Variants in RAB4A observed in about 807,000 individuals in gnomAD.
RAB4A encodes RAB4A, member RAS oncogene family.
Under a neutral mutation model 34.5 loss-of-function variants are expected in RAB4A, and 20 were observed. That is an observed-to-expected ratio of 0.58 (90% confidence interval 0.41 to 0.84). RAB4A has a LOEUF of 0.84. Ranked by LOEUF, RAB4A falls within the 40% of genes least tolerant of loss-of-function variation. RAB4A has a pLI of 0.00. For missense variants in RAB4A, 228 were observed against 274.5 expected (o/e 0.83, Z 1.20); for synonymous variants, 102 against 100.0 (o/e 1.02, Z -0.12).
At chr1:229,303,081 G>A (rs237787) in intron 7 of RAB4A, 92 bp downstream of exon 7, 586,455 of 924,314 alleles carry the variant, frequency 0.63, 188,282 homozygotes, top group African/African-American at 0.71. Flanking sequence ...TGAAAAAGAG[G>A]GGATCCCAGC....
At chr1:229,290,843 A>T (rs1657051694) in intron 3 of RAB4A, among the ~76,000 whole-genome samples, 1 of 152,244 alleles carries the variant, frequency 6.6e-6, no homozygotes, top group Non-Finnish European at 1.5e-5. Flanking sequence ...AATCCAGAAG[A>T]TGCAATGACT....
chr1:229,279,783 G>T (rs1359183185), intron 1 of RAB4A, among the ~76,000 whole-genome samples: 1 of 152,092 alleles, frequency 6.6e-6, no homozygotes. Context: ...TTGGGGTGTG[G>T]TCTTTCCCTT....
In RAB4A at chr1:229,297,592, G is replaced by C. The variant is rs370982346; in HGVS notation, c.401G>C (p.Arg134Pro). 3.1e-6 allele frequency: 5 copies of C among 1,611,364 alleles called. No homozygotes were observed. In the African/African-American group the frequency reaches 6.7e-5, roughly 22 times the overall value. ...CGNKKDLDAD[R>P]EVTFLEASRF... ...AACAAGAAGGACCTGGATGCAGATC[G>C]TGAAGTTACCTTCTTAGAAGCCTCC... The change falls in exon 5 of 8, where the codon CGT becomes CCT. Residue 134 changes from arginine to proline, a missense_variant. Transcript: ENST00000366690.
At chr1:229,300,106 T>C (rs1657342508) in intron 6 of RAB4A, among the ~76,000 whole-genome samples, 1 of 152,220 alleles carries the variant, frequency 6.6e-6, no homozygotes, top group African/African-American at 2.4e-5. Context: ...GACACTGAGA[T>C]GCATTAAAAG....
intron 7 of RAB4A, 32 bp downstream of exon 7, chr1:229,303,021 C>T (rs1346716777): frequency 1.3e-6 from 2 of 1,487,544 alleles, no homozygotes; most frequent in Middle Eastern, 3.5e-4. Flanking sequence ...CCCTGAGTTC[C>T]TGGCAAGCTC....
At chr1:229,303,090 GC>G in intron 7 of RAB4A, 101 bp downstream of exon 7, 1 of 820,006 alleles carries the variant, frequency 1.2e-6, no homozygotes, top group Non-Finnish European at 1.9e-6. Context: ...GGGGATCCCA[GC>G]CGGGTGCAGT....
chr1:229,273,710 T>C (rs1398073575), intron 1 of RAB4A, among the ~76,000 whole-genome samples: 1 of 152,104 alleles, frequency 6.6e-6, no homozygotes, highest in African/African-American at 2.4e-5. Context: ...CTGCACTCCA[T>C]CCTGGGCAAC....
At chr1:229,279,972 G>A (rs1004230999) in intron 1 of RAB4A, among the ~76,000 whole-genome samples, 1 of 152,106 alleles carries the variant, frequency 6.6e-6, no homozygotes, top group Non-Finnish European at 1.5e-5. Flanking sequence ...ACCTACATAG[G>A]CATTTTGCCT....
At chr1:229,283,635 G>A (rs1377086399) in intron 1 of RAB4A, among the ~76,000 whole-genome samples, 2 of 152,050 alleles carry the variant, frequency 1.3e-5, no homozygotes, top group Admixed American at 1.3e-4. Context: ...AGAACCCAGG[G>A]AACTTCCTTC....
chr1:229,295,275 G>C (rs577207123), intron 3 of RAB4A, among the ~76,000 whole-genome samples: 172 of 152,284 alleles, frequency 1.1e-3, no homozygotes, highest in Non-Finnish European at 2.1e-4. Flanking sequence ...GGGTGAGATT[G>C]ACAATGTAGG....
rs376782915 is a variant in RAB4A at position 229,299,071 on chromosome 1, A to C, written c.540A>C (p.Ser180=). The C allele has an allele frequency of 2.5e-6, 4 of 1,600,418 alleles. No individual in the cohort carries two copies. Among genetic ancestry groups the C allele is most frequent in the East Asian group, 2.2e-5 (1 of 44,730 alleles). ...GAAAAATACTTAACAAAATCGAATC[A>C]GGTAAAAGCCTTTCCATTAAGCAAC... is the stretch of plus-strand genomic sequence containing the variant. ...CARKILNKIE[S]GELDPERMGS... Residue 180 remains serine (S), a splice_region_variant and synonymous_variant, in exon 6 of 8, where the codon TCA becomes TCC. Transcript: ENST00000366690.
rs1571835836 is a variant in RAB4A, at chr1:229,299,016, A to G, written c.485A>G (p.Asn162Ser). 1.2e-6 allele frequency: 2 copies of G among 1,611,400 alleles called. No homozygotes were observed. Among genetic ancestry groups the G allele is most frequent in the Middle Eastern group, 1.7e-4 (1 of 6,060 alleles). The change falls in exon 6 of 8, where the codon AAT becomes AGT. Residue 162 changes from asparagine (N) to serine (S), a missense_variant. By Grantham distance (46) the Asn-to-Ser change is conservative. Coordinates refer to ENST00000366690, the MANE Select transcript of RAB4A (RefSeq NM_004578.4). ...FLETSALTGE[N>S]VEEAFVQCAR... Reference sequence around the variant, plus strand: ...GAAACAAGTGCGCTCACAGGGGAGAATGTAGAAGAGGCTTTTGTACAGTGT... The same window carrying G: ...GAAACAAGTGCGCTCACAGGGGAGAGTGTAGAAGAGGCTTTTGTACAGTGT...
intron 3 of RAB4A, 186 bp downstream of exon 3, chr1:229,289,029 A>T (rs1036551448): frequency 1.8e-6 from 1 of 556,878 alleles, no homozygotes; most frequent in Non-Finnish European, 3.2e-6. Flanking sequence ...TCTCTGCAGC[A>T]TGGATTACTA....
At chr1:229,274,238 T>A (rs1169163409) in intron 1 of RAB4A, among the ~76,000 whole-genome samples, 2 of 149,820 alleles carry the variant, frequency 1.3e-5, no homozygotes, top group Non-Finnish European at 3.0e-5. Flanking sequence ...TTTTTTTTAA[T>A]TTTTTTTGTA....
chr1:229,303,344 G>A (rs1328394195), intron 7 of RAB4A, among the ~76,000 whole-genome samples: 4 of 151,368 alleles, frequency 2.6e-5, no homozygotes, highest in Non-Finnish European at 4.4e-5. Context: ...GGGCGATAAA[G>A]TGAGAACTGT....
In RAB4A at chr1:229,297,612, G is replaced by T; in HGVS notation, c.421G>T (p.Ala141Ser). ...DADREVTFLE[A>S]SRFAQENELM... ...AGATCGTGAAGTTACCTTCTTAGAA[G>T]CCTCCAGATTTGCTCAAGAAAATGG... Residue 141 changes from alanine (A) to serine (S), a missense_variant, in exon 5 of 8, where the codon GCC becomes TCC. By Grantham distance (99) the Ala-to-Ser change is moderately conservative. Transcript: ENST00000366690. 1 of 1,604,346 alleles carries T rather than the reference G, an allele frequency of 6.2e-7. No individual in the cohort carries two copies. Among genetic ancestry groups the T allele is most frequent in the Non-Finnish European group, 8.5e-7 (1 of 1,177,334 alleles).
In RAB4A at chr1:229,305,330, G is replaced by A; in HGVS notation, c.*1537G>A. 1 of 1,566,582 alleles carries A rather than the reference G, an allele frequency of 6.4e-7. No homozygotes were observed. The highest frequency in any genetic ancestry group is 8.6e-7 in the Non-Finnish European group (1 of 1,158,354). ...TTTGCAAGCTGCTCATTTTTGAACAGCTTTTTGCATGGGATAGGAGCATGT... is the reference window on the plus strand; with the variant it reads ...TTTGCAAGCTGCTCATTTTTGAACAACTTTTTGCATGGGATAGGAGCATGT... On this transcript the variant is annotated 3_prime_UTR_variant, in exon 8 of 8. Transcript: ENST00000366690.
intron 3 of RAB4A, among the ~76,000 whole-genome samples, chr1:229,291,941 A>T (rs1378192119): frequency 2.6e-5 from 4 of 152,018 alleles, no homozygotes; most frequent in Non-Finnish European, 5.9e-5. Context: ...ATTGGAAATC[A>T]TCATTCTCAG....
chr1:229,305,481 A>C lies in RAB4A; in HGVS notation c.*1688A>C, dbSNP rs940500815. 5 of 499,560 alleles carry C rather than the reference A, an allele frequency of 1.0e-5. No homozygotes were observed. The highest frequency in any genetic ancestry group is 1.7e-5 in the Non-Finnish European group (5 of 296,878). 30.9% of individuals were successfully genotyped at this position (499,560 alleles called of 1,614,324 possible). A position where few individuals can be genotyped will look rare whatever the true frequency, so the allele number is the denominator to read the frequency against. ...ATATATCCTTCTGCATCCTTTGGCC[A>C]ATAAAAGTTGCTGGAGAACCAAACC... On this transcript the variant is annotated 3_prime_UTR_variant, in exon 8 of 8. Coordinates refer to ENST00000366690, the MANE Select transcript of RAB4A (RefSeq NM_004578.4).
Sources: gnomAD v4.1 joint callset for allele counts (sites outside exome capture counted in the v4.1 genomes callset) on GRCh38, gnomAD v4.1.1 for gene constraint, MANE v1.5 for transcripts, NCBI Gene and HGNC (gene_info 2026-07-23, HGNC 2026-07-21) for gene names.